The following LCP1 variants were observed in gnomAD, a reference collection of about 807,000 sequenced individuals.
The protein encoded by LCP1 is lymphocyte cytosolic protein 1.
LCP1 carries 23 observed loss-of-function variants against 72.0 expected under a neutral mutation model. The ratio of observed to expected loss-of-function variants is 0.32; its 90% CI spans 0.23 to 0.45. LCP1 has a LOEUF of 0.45. Ranked by LOEUF, LCP1 falls within the 20% of genes least tolerant of loss-of-function variation. The pLI is 1.00. For missense variants in LCP1, 571 were observed against 748.3 expected, an observed-to-expected ratio of 0.76 and a Z score of 2.76; for synonymous variants, 245 against 275.4, an observed-to-expected ratio of 0.89 and a Z score of 1.09.
chr13:46,127,439 G>A lies in LCP1; in HGVS notation c.*152C>T. The A allele has an allele frequency of 1.2e-6, 1 of 865,534 alleles. No individual in the cohort carries two copies. Among genetic ancestry groups the A allele is most frequent in the South Asian group, 1.9e-5 (1 of 53,498 alleles). The allele number at this position is 865,534 out of a possible 1,614,324, so 53.6% of individuals were successfully genotyped here. On this transcript the variant is annotated 3_prime_UTR_variant, in exon 16 of 16. Coordinates refer to ENST00000323076, the MANE Select transcript of LCP1 (RefSeq NM_002298.5). Reference sequence around the variant, plus strand: ...AATGAAGCACTTTTTGTTAAATACAGGAGAGGCTACTTGGCTGCACTAATA... The same window carrying A: ...AATGAAGCACTTTTTGTTAAATACAAGAGAGGCTACTTGGCTGCACTAATA...
intron 1 of LCP1, among the ~76,000 whole-genome samples, chr13:46,163,531 C>A (rs1359468286): frequency 1.3e-5 from 2 of 151,894 alleles, no homozygotes. Flanking sequence ...CTAGGAAAAC[C>A]AGACACCTTT....
At chr13:46,139,690 T>C (rs9316188) in intron 13 of LCP1, among the ~76,000 whole-genome samples, 43,478 of 152,096 alleles carry the variant, frequency 0.29, 7,278 homozygotes, top group African/African-American at 0.45. Context: ...AGAATTCCTA[T>C]CTAAAAGTCT....
Position 46,156,464 on chromosome 13 carries a change from A to G in LCP1, c.465T>C (p.Asn155=), listed in dbSNP as rs375045217. Residue 155 remains asparagine (N), a synonymous_variant, in exon 5 of 16, where the codon AAT becomes AAC. Coordinates refer to ENST00000323076, the MANE Select transcript of LCP1 (RefSeq NM_002298.5). ...PMNPNTNDLF[N]AVGDGIVLCK... ...AAAGGACAATGCCATCTCCAACAGC[A>G]TTAAAGAGATCATTCGTGTTTGGGT... The G allele has an allele frequency of 1.2e-5, 19 of 1,614,102 alleles. No homozygotes were observed. In the African/African-American group the frequency reaches 1.9e-4, roughly 16 times the overall value.
At chr13:46,175,602 A>C (rs529094149) in intron 1 of LCP1, among the ~76,000 whole-genome samples, 9 of 152,068 alleles carry the variant, frequency 5.9e-5, no homozygotes, top group African/African-American at 1.9e-4. Flanking sequence ...AACTGTGTGA[A>C]CATCACCAGG....
In LCP1 at chr13:46,146,956, C is replaced by T; in HGVS notation, c.1126G>A (p.Ala376Thr). The part of the protein sequence containing the change: ...FIANLFNRYP[A>T]LHKPENQDID... ...TCCTGGTTCTCTGGTTTGTGCAGGG[C>T]AGGGTATCTGTTAAAGAGGTTGGCA... Residue 376 changes from alanine to threonine, a missense_variant, in exon 10 of 16, where the codon GCC becomes ACC. By Grantham distance (58) the Ala-to-Thr change is moderately conservative (BLOSUM62 0). Coordinates refer to ENST00000323076, the MANE Select transcript of LCP1 (RefSeq NM_002298.5). 1.2e-6 allele frequency: 2 copies of T among 1,614,108 alleles called. No homozygotes were observed. The highest frequency in any genetic ancestry group is 1.1e-5 in the South Asian group (1 of 91,084).
At chr13:46,176,453 A>C (rs2045931035) in intron 1 of LCP1, among the ~76,000 whole-genome samples, 1 of 152,220 alleles carries the variant, frequency 6.6e-6, no homozygotes, top group Non-Finnish European at 1.5e-5. Context: ...AAAAAGTTGC[A>C]CCTGAGGTTA....
chr13:46,166,864 T>C (rs1316899992), intron 1 of LCP1, among the ~76,000 whole-genome samples: 1 of 152,228 alleles, frequency 6.6e-6, no homozygotes, highest in Non-Finnish European at 1.5e-5. Flanking sequence ...CTATATATTC[T>C]TGGGATATCA....
chr13:46,150,212 A>G (rs2045755624), intron 8 of LCP1, among the ~76,000 whole-genome samples: 1 of 152,228 alleles, frequency 6.6e-6, no homozygotes, highest in South Asian at 2.1e-4. Flanking sequence ...CTGGTGTTGC[A>G]TCCCAGCATC....
intron 14 of LCP1, 58 bp downstream of exon 14, chr13:46,134,069 A>G: frequency 6.3e-7 from 1 of 1,590,176 alleles, no homozygotes; most frequent in Non-Finnish European, 8.6e-7. Flanking sequence ...ACATAATGAA[A>G]ACAATACAGA....
In LCP1 at chr13:46,156,534, T is replaced by G; in HGVS notation, c.395A>C (p.Lys132Thr). 3 of 1,614,170 alleles carry G rather than the reference T, an allele frequency of 1.9e-6. No individual in the cohort carries two copies. The highest frequency in any genetic ancestry group is 2.5e-6 in the Non-Finnish European group (3 of 1,180,022). Residue 132 changes from lysine (K) to threonine (T), a missense_variant, in exon 5 of 16, where the codon AAA becomes ACA. Transcript: ENST00000323076. ...EKYAFVNWINKALENDPDCRH... is the reference protein window; with the variant it reads ...EKYAFVNWINTALENDPDCRH... The stretch of plus-strand genomic sequence containing the variant: ...ACAATCAGGATCATTTTCCAGGGCT[T>G]TGTTTATCCAGTTGACAAAGGCATA...
At position 46,127,618 on chromosome 13, in the gene LCP1, G is replaced by C. The variant is rs756230774; in HGVS notation, c.1857C>G (p.Leu619=). Residue 619 remains leucine (L), a synonymous_variant, in exon 16 of 16, where the codon CTC becomes CTG. Coordinates refer to ENST00000323076, the MANE Select transcript of LCP1 (RefSeq NM_002298.5). ...ACACCCTCTTCATTCCTTTCCCCAT[G>C]AGGCAGGCAAACACGGTCATGACCA... The part of the protein sequence containing the change: ...PKMVMTVFAC[L]MGKGMKRV 1 of 1,614,160 alleles carries C rather than the reference G, an allele frequency of 6.2e-7. No homozygotes were observed. The highest frequency in any genetic ancestry group is 2.2e-5 in the East Asian group (1 of 44,880).
intron 13 of LCP1, among the ~76,000 whole-genome samples, chr13:46,141,679 T>C (rs1044805887): frequency 3.3e-5 from 5 of 152,134 alleles, no homozygotes; most frequent in African/African-American, 1.2e-4. Flanking sequence ...TTCAGACATA[T>C]AGAAGCTGAA....
At chr13:46,135,746 T>G (rs1038985812) in intron 13 of LCP1, among the ~76,000 whole-genome samples, 1 of 144,530 alleles carries the variant, frequency 6.9e-6, no homozygotes, top group South Asian at 2.2e-4. Context: ...GGTCTGTCTT[T>G]TTTTTTTTTT....
chr13:46,155,434 G>T (rs532038216), intron 5 of LCP1, among the ~76,000 whole-genome samples: 7 of 152,202 alleles, frequency 4.6e-5, no homozygotes, highest in African/African-American at 1.7e-4. Flanking sequence ...GAAGACCATG[G>T]GGTGCCTTGG....
intron 13 of LCP1, among the ~76,000 whole-genome samples, chr13:46,139,041 T>C (rs2045682155): frequency 6.6e-6 from 1 of 152,238 alleles, no homozygotes; most frequent in African/African-American, 2.4e-5. Flanking sequence ...AAAGGACTTT[T>C]GCTTTGGTTT....
chr13:46,151,740 A>T (rs1343319691), intron 7 of LCP1, among the ~76,000 whole-genome samples: 1 of 152,174 alleles, frequency 6.6e-6, no homozygotes, highest in African/African-American at 2.4e-5. Context: ...AGGATTTTTC[A>T]TTGGTTATTG....
intron 3 of LCP1, 55 bp downstream of exon 3, chr13:46,158,771 A>G (rs914223620): frequency 3.1e-6 from 5 of 1,603,930 alleles, no homozygotes; most frequent in East Asian, 2.2e-5. Flanking sequence ...TTTTTAAAAC[A>G]GAATTCAAGT....
chr13:46,155,956 A>C (rs1236069789), intron 5 of LCP1, among the ~76,000 whole-genome samples: 1 of 152,212 alleles, frequency 6.6e-6, no homozygotes, highest in Non-Finnish European at 1.5e-5. Context: ...AAAAATATAT[A>C]ACCAGGAAAA....
rs757695247 is a variant in LCP1, at chr13:46,150,924, C to T, written c.882+12G>A. ...CCTGCAGAGAGTCATGTTCAAACAA[C>T]GCTCCTCCTACCTTGATGTCAGTAC... On this transcript the variant is annotated intron_variant, in intron 8 of 15. Transcript: ENST00000323076. 2.5e-5 allele frequency: 41 copies of T among 1,610,758 alleles called. No homozygotes were observed. The highest frequency in any genetic ancestry group is 3.3e-4 in the Middle Eastern group (2 of 6,064).
Sources: allele counts gnomAD v4.1 joint callset (sites outside exome capture counted in the v4.1 genomes callset), GRCh38; gene constraint gnomAD v4.1.1; transcripts MANE v1.5; gene names NCBI Gene and HGNC (gene_info 2026-07-23, HGNC 2026-07-21).